PCDHA5: variants seen among roughly 807,000 people sequenced by gnomAD.
PCDHA5 encodes the protein protocadherin alpha 5.
Under a neutral mutation model 61.6 loss-of-function variants are expected in PCDHA5, and 43 were observed. That is an observed-to-expected ratio of 0.70 (90% CI 0.55 to 0.90). The LOEUF (loss-of-function observed/expected upper bound fraction) is 0.90, where lower values mean the gene tolerates loss of function less well. PCDHA5 is among the 40% of genes least tolerant of loss of function. The probability of loss-of-function intolerance (pLI) is 0.00; values close to 1 mark genes in which losing one functional copy is unlikely to be tolerated. For missense variants in PCDHA5, 1,298 were observed against 1,222.7 expected (o/e 1.06, Z -0.92); for synonymous variants, 627 against 543.9 (o/e 1.15, Z -2.13).
At chr5:140,875,997 T>A (rs1441666431) in intron 1 of PCDHA5, 1 of 1,613,924 alleles carries the variant, frequency 6.2e-7, no homozygotes, top group East Asian at 2.2e-5. Flanking sequence ...TAAGTCTAAA[T>A]GAGAATTTTG....
intron 1 of PCDHA5, among the ~76,000 whole-genome samples, chr5:140,895,833 C>G (rs1325973837): frequency 2.0e-5 from 3 of 152,038 alleles, no homozygotes; most frequent in Non-Finnish European, 2.9e-5. Context: ...TTTTTTCAGA[C>G]AAAGTCTCAC....
chr5:140,825,854 C>T (rs1554130384), intron 1 of PCDHA5: 2 of 152,390 alleles, frequency 1.3e-5, no homozygotes. Context: ...GATACAAACT[C>T]CCCTCTTGAG....
rs138197407 is a variant in PCDHA5, at chr5:140,857,304, C to T, written c.2352+33177C>T. On this transcript the variant is annotated intron_variant, in intron 1 of 3. Coordinates refer to ENST00000529859, the MANE Select transcript of PCDHA5 (RefSeq NM_018908.3). The stretch of plus-strand genomic sequence containing the variant: ...GCTCTGGACCGCGAGAGGGTGTCGG[C>T]CTATGAGCTGGTGGTGACCGCGCGG... 1.9e-5 allele frequency: 30 copies of T among 1,598,646 alleles called. No homozygotes were observed. In the African/African-American group the frequency reaches 3.6e-4, roughly 19 times the overall value.
chr5:140,858,726 C>A (rs115774489), intron 1 of PCDHA5: 4 of 481,590 alleles, frequency 8.3e-6, no homozygotes, highest in African/African-American at 8.1e-5. Context: ...GCAGTTCTGA[C>A]GATTTACTTT....
rs533097473 is a variant in PCDHA5 at position 140,902,214 on chromosome 5, T to C, written c.2353-76735T>C. ...CTCTCTCTCTCTTTCTTTTTTTTTT[T>C]TTTTTTTGAGATGAGGACTTGCTTT... On this transcript the variant is annotated intron_variant, in intron 1 of 3. Coordinates refer to ENST00000529859, the MANE Select transcript of PCDHA5 (RefSeq NM_018908.3). Among the ~76,000 whole-genome samples the C allele has an allele frequency of 1.3e-3, 198 of 150,584 alleles. 6 individuals are homozygous for C. The South Asian group carries it at 0.04, about 30-fold the overall frequency.
At chr5:140,964,118 C>G (rs1325218833) in intron 1 of PCDHA5, among the ~76,000 whole-genome samples, 1 of 151,942 alleles carries the variant, frequency 6.6e-6, no homozygotes, top group African/African-American at 2.4e-5. Flanking sequence ...CAATCACATT[C>G]TAACAACTAG....
intron 1 of PCDHA5, among the ~76,000 whole-genome samples, chr5:140,959,893 T>A (rs782431808): frequency 6.6e-6 from 1 of 152,194 alleles, no homozygotes; most frequent in Non-Finnish European, 1.5e-5. Flanking sequence ...CGAGTGGGAT[T>A]TATATCAGAA....
chr5:140,942,617 TG>T (rs1223896117), intron 1 of PCDHA5, among the ~76,000 whole-genome samples: 4 of 100,138 alleles, frequency 4.0e-5, no homozygotes, highest in Admixed American at 9.6e-5. Flanking sequence ...ATTTGCCAAT[TG>T]TAAAAAAAAA....
Position 140,893,497 on chromosome 5 carries a change from GA to G in PCDHA5, c.2352+69379del, listed in dbSNP as rs1157700367. Among the ~76,000 whole-genome samples the G allele has an allele frequency of 3.1e-4, 47 of 150,168 alleles. No individual in the cohort carries two copies. The Middle Eastern group carries it at 0.01, about 33-fold the overall frequency. ...GCAAGACCCTGTTCTTCACAAAAAAGAAAAAAAAAGCAGTTGTAGAACTCCT... is the reference window on the plus strand; with the variant it reads ...GCAAGACCCTGTTCTTCACAAAAAAGAAAAAAAAGCAGTTGTAGAACTCCT... On this transcript the variant is annotated intron_variant, in intron 1 of 3. Transcript: ENST00000529859.
intron 1 of PCDHA5, among the ~76,000 whole-genome samples, chr5:140,896,566 G>A (rs1562891221): frequency 6.7e-6 from 1 of 150,252 alleles, no homozygotes; most frequent in Non-Finnish European, 1.5e-5. Context: ...AAGTAGAGAT[G>A]GGGTTTTGAC....
chr5:140,905,493 T>C (rs185992010), intron 1 of PCDHA5, among the ~76,000 whole-genome samples: 10 of 152,288 alleles, frequency 6.6e-5, no homozygotes, highest in Non-Finnish European at 1.5e-4. Context: ...CTTCTTTTTG[T>C]TTTGTATTGC....
intron 1 of PCDHA5, among the ~76,000 whole-genome samples, chr5:140,931,320 G>A (rs1350182542): frequency 6.6e-6 from 1 of 151,992 alleles, no homozygotes; most frequent in Non-Finnish European, 1.5e-5. Context: ...TACCAGTAAT[G>A]GCTGTAAAGT....
At chr5:140,851,449 A>G in intron 1 of PCDHA5, 2 of 913,694 alleles carry the variant, frequency 2.2e-6, no homozygotes, top group Middle Eastern at 5.7e-4. Flanking sequence ...GCTCCACTTT[A>G]GGAATCAAAT....
intron 1 of PCDHA5, chr5:140,877,117 G>C: frequency 6.2e-7 from 1 of 1,613,720 alleles, no homozygotes; most frequent in Non-Finnish European, 8.5e-7. Flanking sequence ...GGGCAGCAAC[G>C]TGACGCTGCA....
intron 1 of PCDHA5, among the ~76,000 whole-genome samples, chr5:140,960,218 A>G (rs2095532618): frequency 6.6e-6 from 1 of 152,206 alleles, no homozygotes; most frequent in Non-Finnish European, 1.5e-5. Flanking sequence ...CAGGATCTCA[A>G]GAAACAGAGC....
intron 1 of PCDHA5, chr5:140,829,370 G>T (rs1770253952): frequency 1.2e-6 from 2 of 1,614,088 alleles, no homozygotes; most frequent in African/African-American, 1.3e-5. Context: ...GGTGGTAACC[G>T]CGCGGGACGG....
Position 140,916,718 on chromosome 5 carries a change from G to C in PCDHA5, c.2353-62231G>C, listed in dbSNP as rs115136945. Among the ~76,000 whole-genome samples, 1,217 of 152,304 alleles carry C rather than the reference G, an allele frequency of 8.0e-3. 6 individuals are homozygous for C. Among genetic ancestry groups the C allele is most frequent in the African/African-American group, 0.019 (785 of 41,570 alleles). On this transcript the variant is annotated intron_variant, in intron 1 of 3. Coordinates refer to ENST00000529859, the MANE Select transcript of PCDHA5 (RefSeq NM_018908.3). ...CTCTCCTTAAGCAGAAGGAAGGAGTGACTTTTGTTGCTGCAAGCTTCACTG... is the reference window on the plus strand; with the variant it reads ...CTCTCCTTAAGCAGAAGGAAGGAGTCACTTTTGTTGCTGCAAGCTTCACTG...
intron 1 of PCDHA5, among the ~76,000 whole-genome samples, chr5:140,884,904 A>G (rs2060400953): frequency 6.6e-6 from 1 of 152,226 alleles, no homozygotes; most frequent in Non-Finnish European, 1.5e-5. Flanking sequence ...TTTCTGTTGT[A>G]TTCTTAATAG....
intron 1 of PCDHA5, among the ~76,000 whole-genome samples, chr5:140,963,103 G>A (rs2095737477): frequency 1.3e-5 from 2 of 151,910 alleles, no homozygotes; most frequent in South Asian, 4.1e-4. Flanking sequence ...CTGCTTTCAG[G>A]TTGCTTATAA....
Sources: gnomAD v4.1 joint callset for allele counts (sites outside exome capture counted in the v4.1 genomes callset) on GRCh38, gnomAD v4.1.1 for gene constraint, MANE v1.5 for transcripts, NCBI Gene and HGNC (gene_info 2026-07-23, HGNC 2026-07-21) for gene names.